The following ITFG2 variants were observed in gnomAD, a reference collection of about 807,000 sequenced individuals.
The protein encoded by ITFG2 is integrin alpha FG-GAP repeat containing 2.
In ITFG2, 36 loss-of-function variants were observed where a neutral mutation model predicts 54.4. The observed-to-expected ratio is 0.66, with a 90% CI of 0.51 to 0.87. ITFG2 has a LOEUF of 0.87. ITFG2 is among the 40% of genes least tolerant of loss of function. The pLI, the probability that ITFG2 is intolerant of heterozygous loss-of-function variation, is 0.00. For synonymous variants in ITFG2, 211 were observed against 225.4 expected, an observed-to-expected ratio of 0.94 and a Z score of 0.57; for missense variants, 524 against 576.7, an observed-to-expected ratio of 0.91 and a Z score of 0.94.
Position 2,823,753 on chromosome 12 carries a change from C to G in ITFG2, c.1067-17C>G. ...CTGAAACTTCCTGACCTTTATCTCCCTGCCAACATCTTCCAGGCCTGTACG... is the reference window on the plus strand; with the variant it reads ...CTGAAACTTCCTGACCTTTATCTCCGTGCCAACATCTTCCAGGCCTGTACG... On this transcript the variant is annotated splice_polypyrimidine_tract_variant and intron_variant, in intron 10 of 11. Coordinates refer to ENST00000228799, the MANE Select transcript of ITFG2 (RefSeq NM_018463.4). 1 of 1,530,726 alleles carries G rather than the reference C, an allele frequency of 6.5e-7. No homozygotes were observed. Among genetic ancestry groups the G allele is most frequent in the Non-Finnish European group, 8.8e-7 (1 of 1,137,070 alleles). The allele number at this position is 1,530,726 out of a possible 1,614,324, so 94.8% of individuals were successfully genotyped here.
intron 1 of ITFG2, among the ~76,000 whole-genome samples, chr12:2,813,650 A>G (rs75499867): frequency 0.043 from 6,592 of 152,240 alleles, 188 homozygotes; most frequent in Non-Finnish European, 0.066. Flanking sequence ...TTCATTTATC[A>G]TCTATTTCAT....
Position 2,824,315 on chromosome 12 carries a change from C to A in ITFG2, c.*122C>A. 1 of 1,043,372 alleles carries A rather than the reference C, an allele frequency of 9.6e-7. No individual in the cohort carries two copies. The highest frequency in any genetic ancestry group is 1.5e-6 in the Non-Finnish European group (1 of 686,554). The allele number at this position is 1,043,372 out of a possible 1,614,324, so 64.6% of individuals were successfully genotyped here. ...CAGAAATGCAGGATTTGACTCTGGG[C>A]ATGAAAGATGGCAGCAGCCCTAGGG... On this transcript the variant is annotated 3_prime_UTR_variant, in exon 12 of 12. Transcript: ENST00000228799.
chr12:2,823,813 A>G lies in ITFG2; in HGVS notation c.1110A>G (p.Val370=), dbSNP rs920240062. ...AGGGCCGCAACAGCCCCTGCCTCGT[A>G]TATGTCACTTTCAACCAGAAGATCT... ...CKEGRNSPCL[V]YVTFNQKIYV... The change falls in exon 11 of 12, where the codon GTA becomes GTG. Residue 370 remains valine, a synonymous_variant. Coordinates refer to ENST00000228799, the MANE Select transcript of ITFG2 (RefSeq NM_018463.4). The G allele has an allele frequency of 1.0e-5, 16 of 1,603,794 alleles. No individual in the cohort carries two copies. In the Admixed American group the frequency reaches 1.5e-4, roughly 15 times the overall value.
In ITFG2 at chr12:2,821,267, C is replaced by T; in HGVS notation, c.701C>T (p.Thr234Ile). Residue 234 changes from threonine (T) to isoleucine (I), a missense_variant, in exon 7 of 12, where the codon ACC (threonine) becomes ATC (isoleucine). By Grantham distance (89) the Thr-to-Ile change is moderately conservative. Coordinates refer to ENST00000228799, the MANE Select transcript of ITFG2 (RefSeq NM_018463.4). ...CGTCCACCTGCTGTGCACAGGGAGA[C>T]CCCAGCTGCCCGAGACGTGGTGCTG... Reference protein sequence around the residue: ...SEGPTDGSRETPAARDVVLHQ... With the variant: ...SEGPTDGSREIPAARDVVLHQ... 6.2e-7 allele frequency: 1 copy of T among 1,605,610 alleles called. No individual in the cohort carries two copies. The highest frequency in any genetic ancestry group is 1.7e-5 in the Admixed American group (1 of 59,080).
upstream of ITFG2, chr12:2,834,531 C>T (rs7301367): frequency 0.15 from 206,588 of 1,422,582 alleles, 17,064 homozygotes; most frequent in South Asian, 0.34. Flanking sequence ...AGCAAGGGAG[C>T]GGGACCTGAA....
chr12:2,859,525 C>T lies in ITFG2; in HGVS notation n.621-9C>T, dbSNP rs145537744. ...ATGGGTCTCGCTAAGTGTGGCATTTCCTCCCCAGGCTGGATTTCTTCCTCC... is the reference window on the plus strand; with the variant it reads ...ATGGGTCTCGCTAAGTGTGGCATTTTCTCCCCAGGCTGGATTTCTTCCTCC... On this transcript the variant is annotated splice_polypyrimidine_tract_variant and intron_variant and non_coding_transcript_variant, in intron 3 of 3. Transcript: ENST00000537710. 2.5e-6 allele frequency: 4 copies of T among 1,613,922 alleles called. No individual in the cohort carries two copies. In the African/African-American group the frequency reaches 5.3e-5, roughly 22 times the overall value.
upstream of ITFG2, among the ~76,000 whole-genome samples, chr12:2,832,150 C>T (rs1159719231): frequency 6.6e-6 from 1 of 152,182 alleles, no homozygotes; most frequent in Non-Finnish European, 1.5e-5. Context: ...TTCATTGTGA[C>T]AAGATCCCCA....
upstream of ITFG2, among the ~76,000 whole-genome samples, chr12:2,832,712 C>G (rs1565432980): frequency 6.7e-6 from 1 of 150,044 alleles, no homozygotes; most frequent in African/African-American, 2.5e-5. Flanking sequence ...GAGTCTACCT[C>G]ACTCATTTTT....
intron 10 of ITFG2, among the ~76,000 whole-genome samples, chr12:2,823,461 C>T (rs756884124): frequency 5.3e-5 from 8 of 152,180 alleles, no homozygotes; most frequent in East Asian, 1.9e-4. Context: ...CGCCCTTGGG[C>T]GAGCAATGCC....
upstream of ITFG2, chr12:2,834,724 T>A (rs2098019740): frequency 1.2e-6 from 2 of 1,613,990 alleles, no homozygotes; most frequent in South Asian, 1.1e-5. Context: ...CTGGGTGGCC[T>A]GTTTGAGCCG....
intron 4 of ITFG2, chr12:2,819,646 G>A (rs1391833391): frequency 6.6e-6 from 1 of 151,904 alleles, no homozygotes; most frequent in East Asian, 1.9e-4. Context: ...AAAATATATA[G>A]TAAGTGCAAT....
At chr12:2,826,761 G>C (rs192657647), downstream of ITFG2, 9 of 200,270 alleles carry the variant, frequency 4.5e-5, no homozygotes, top group Non-Finnish European at 7.0e-5. Context: ...GAGGCATGGC[G>C]GTCTAGTTGT....
At chr12:2,821,619 G>T in intron 8 of ITFG2, 23 bp downstream of exon 8, 2 of 1,614,112 alleles carry the variant, frequency 1.2e-6, no homozygotes, top group Non-Finnish European at 1.7e-6. Context: ...AGGATGGGGT[G>T]TGGGGGCTGT....
chr12:2,847,376 C>T (rs546309129), intron 2 of ITFG2, among the ~76,000 whole-genome samples: 4 of 152,216 alleles, frequency 2.6e-5, no homozygotes, highest in South Asian at 2.1e-4. Flanking sequence ...CAGTAACTCC[C>T]GGCCAGACGC....
intron 2 of ITFG2, among the ~76,000 whole-genome samples, chr12:2,852,880 T>C (rs1275021117): frequency 6.6e-6 from 1 of 151,964 alleles, no homozygotes; most frequent in Non-Finnish European, 1.5e-5. Context: ...GAGCCTGTAA[T>C]CCCAGCTACT....
chr12:2,836,746 A>T (rs1277770735), upstream of ITFG2: 2 of 152,172 alleles, frequency 1.3e-5, no homozygotes, highest in Non-Finnish European at 2.9e-5. Flanking sequence ...TATTAAAAGG[A>T]GGAAGTGGGA....
intron 9 of ITFG2, among the ~76,000 whole-genome samples, chr12:2,822,061 G>A (rs1406898491): frequency 1.3e-5 from 2 of 151,862 alleles, no homozygotes; most frequent in Non-Finnish European, 2.9e-5. Flanking sequence ...CTGAGAAGCT[G>A]GGACTACAGG....
rs1226697539 is a variant in ITFG2 at position 2,821,374 on chromosome 12, G to A, written c.793+15G>A. 1 of 1,598,196 alleles carries A rather than the reference G, an allele frequency of 6.3e-7. No homozygotes were observed. The highest frequency in any genetic ancestry group is 8.5e-7 in the Non-Finnish European group (1 of 1,170,400). On this transcript the variant is annotated intron_variant, in intron 7 of 11. Transcript: ENST00000228799. ...CATCAAACAAGGTGAAAGTGTGGTG[G>A]GTGTGAGGGAGGGAGATGAGGGGTA...
intron 4 of ITFG2, 84 bp from the exon 5 acceptor site, chr12:2,820,002 A>G (rs540540254): frequency 1.5e-5 from 22 of 1,506,094 alleles, no homozygotes; most frequent in East Asian, 7.0e-5. Context: ...GTGAAGCCGC[A>G]CTGGCTGGAA....
Sources: allele counts gnomAD v4.1 joint callset (sites outside exome capture counted in the v4.1 genomes callset), GRCh38; gene constraint gnomAD v4.1.1; transcripts MANE v1.5; gene names NCBI Gene and HGNC (gene_info 2026-07-23, HGNC 2026-07-21).